Variants in DYNC1I1 observed in about 807,000 individuals in gnomAD.
DYNC1I1 encodes the protein dynein cytoplasmic 1 intermediate chain 1.
A neutral mutation model predicts 86.6 loss-of-function variants in DYNC1I1; 43 were observed. The ratio of observed to expected loss-of-function variants is 0.50; its 90% confidence interval spans 0.39 to 0.64. DYNC1I1 has a LOEUF of 0.64. DYNC1I1 is among the 30% of genes least tolerant of loss of function. The pLI, the probability that DYNC1I1 is intolerant of heterozygous loss-of-function variation, is 0.00. For synonymous variants in DYNC1I1, 262 were observed against 283.7 expected (o/e 0.92, Z 0.77); for missense variants, 604 against 788.8 (o/e 0.77, Z 2.81).
intron 10 of DYNC1I1, among the ~76,000 whole-genome samples, chr7:96,001,348 A>G (rs117984801): frequency 4.5e-4 from 69 of 152,236 alleles, no homozygotes; most frequent in Non-Finnish European, 7.6e-4. Flanking sequence ...TCTCAGGAAG[A>G]TGGGTGTTCT....
At chr7:95,877,872 G>C (rs1362820733) in intron 6 of DYNC1I1, among the ~76,000 whole-genome samples, 1 of 152,228 alleles carries the variant, frequency 6.6e-6, no homozygotes, top group African/African-American at 2.4e-5. Flanking sequence ...GCAGCAATTA[G>C]TGAAACTGAG....
intron 5 of DYNC1I1, among the ~76,000 whole-genome samples, chr7:95,862,474 C>T (rs1172892203): frequency 2.0e-5 from 3 of 152,124 alleles, no homozygotes; most frequent in Non-Finnish European, 4.4e-5. Context: ...CATTAGCCGT[C>T]AGAGAAACAC....
chr7:96,017,263 A>G (rs1217997156), intron 10 of DYNC1I1, among the ~76,000 whole-genome samples: 2 of 152,204 alleles, frequency 1.3e-5, no homozygotes, highest in African/African-American at 4.8e-5. Context: ...TTTTTAACAT[A>G]CAAAGGCAAC....
chr7:96,095,740 A>G (rs1231869191), intron 16 of DYNC1I1, among the ~76,000 whole-genome samples: 3 of 152,112 alleles, frequency 2.0e-5, no homozygotes, highest in African/African-American at 7.2e-5. Context: ...ATGTGATACC[A>G]ACCCTTAGTT....
intron 15 of DYNC1I1, 145 bp from the exon 16 acceptor site, chr7:96,080,218 T>C: frequency 3.0e-5 from 31 of 1,024,412 alleles, no homozygotes; most frequent in Non-Finnish European, 3.6e-5. Flanking sequence ...CAATGAGCCC[T>C]TTTTCCCCCC....
At chr7:95,893,523 A>C (rs1323239838) in intron 6 of DYNC1I1, among the ~76,000 whole-genome samples, 1 of 152,232 alleles carries the variant, frequency 6.6e-6, no homozygotes, top group Non-Finnish European at 1.5e-5. Context: ...AACTTCCTTA[A>C]AATTTGATAT....
chr7:96,089,389 A>G (rs924959629), intron 16 of DYNC1I1, among the ~76,000 whole-genome samples: 1 of 152,142 alleles, frequency 6.6e-6, no homozygotes, highest in Non-Finnish European at 1.5e-5. Flanking sequence ...TGAATGATTC[A>G]CATGTGAAAA....
intron 14 of DYNC1I1, among the ~76,000 whole-genome samples, chr7:96,065,101 C>G (rs966040330): frequency 2.0e-5 from 3 of 152,184 alleles, no homozygotes; most frequent in African/African-American, 7.2e-5. Flanking sequence ...GGACCATTGC[C>G]ACATTTGCCA....
chr7:95,863,515 C>CA (rs11432530), intron 5 of DYNC1I1, among the ~76,000 whole-genome samples: 84,637 of 151,904 alleles, frequency 0.56, 24,768 homozygotes, highest in Non-Finnish European at 0.66. Context: ...TTTATTTTAA[C>CA]AAAAAAATTA....
intron 6 of DYNC1I1, among the ~76,000 whole-genome samples, chr7:95,907,775 T>A (rs1364115660): frequency 6.5e-5 from 2 of 30,844 alleles, no homozygotes; most frequent in Non-Finnish European, 1.0e-4. Context: ...CAATCAACTG[T>A]TTTTTTTTTT....
chr7:95,824,338 A>G (rs1795158850), intron 4 of DYNC1I1, among the ~76,000 whole-genome samples: 1 of 151,994 alleles, frequency 6.6e-6, no homozygotes, highest in Admixed American at 6.6e-5. Context: ...AGGTTCCTTG[A>G]ACATTTTTTC....
chr7:95,996,533 G>A (rs1793872479), intron 10 of DYNC1I1, among the ~76,000 whole-genome samples: 1 of 152,164 alleles, frequency 6.6e-6, no homozygotes, highest in African/African-American at 2.4e-5. Flanking sequence ...TAGCTGGCAT[G>A]GGGCAAGACT....
intron 6 of DYNC1I1, among the ~76,000 whole-genome samples, chr7:95,947,924 C>T (rs899031054): frequency 1.0e-4 from 15 of 150,462 alleles, no homozygotes; most frequent in South Asian, 4.2e-4. Flanking sequence ...TGTAAATTCT[C>T]TCCATCTTTT....
At chr7:95,953,829 C>T (rs1196337643) in intron 6 of DYNC1I1, among the ~76,000 whole-genome samples, 1 of 152,234 alleles carries the variant, frequency 6.6e-6, no homozygotes, top group African/African-American at 2.4e-5. Context: ...TCCAACTCTT[C>T]ATTCCTGCTG....
intron 5 of DYNC1I1, among the ~76,000 whole-genome samples, chr7:95,847,691 C>T (rs1562920318): frequency 6.6e-6 from 1 of 152,146 alleles, no homozygotes; most frequent in African/African-American, 2.4e-5. Context: ...TCTTCTCTTG[C>T]TCTCAAATCA....
chr7:95,995,249 A>AAAATAAATAAAT (rs71127433), intron 9 of DYNC1I1, among the ~76,000 whole-genome samples: 8,429 of 143,026 alleles, frequency 0.059, 310 homozygotes, highest in African/African-American at 0.1. Context: ...TCCATCTCAA[A>AAAATAAATAAAT]AAATAAATAA....
rs58435060 is a variant in DYNC1I1 at position 95,954,915 on chromosome 7, C to CAAAAAAAAAAAAAA, written c.491-22587_491-22574dup. Among the ~76,000 whole-genome samples, 233 of 81,838 alleles carry CAAAAAAAAAAAAAA rather than the reference C, an allele frequency of 2.8e-3. 4 individuals carry two copies. The highest frequency in any genetic ancestry group is 3.7e-3 in the Non-Finnish European group (166 of 45,088). 53.7% of individuals were successfully genotyped at this position (81,838 alleles called of 152,430 possible). A position where few individuals can be genotyped will look rare whatever the true frequency, so the allele number is the denominator to read the frequency against. On this transcript the variant is annotated intron_variant, in intron 6 of 16. Transcript: ENST00000447467. ...TGGGCAACAGAGCAAGACTCTGTCT[C>CAAAAAAAAAAAAAA]AAAAAAAAAAAAAAAAAAAAAAAGA... is the stretch of plus-strand genomic sequence containing the variant.
intron 6 of DYNC1I1, among the ~76,000 whole-genome samples, chr7:95,943,176 C>G (rs2116453469): frequency 6.6e-6 from 1 of 151,402 alleles, no homozygotes; most frequent in Admixed American, 6.6e-5. Flanking sequence ...TCAGCAAAGT[C>G]TCAGGATACA....
intron 6 of DYNC1I1, among the ~76,000 whole-genome samples, chr7:95,877,338 A>T (rs1790337389): frequency 6.6e-6 from 1 of 152,176 alleles, no homozygotes; most frequent in South Asian, 2.1e-4. Flanking sequence ...TCCATGGCTC[A>T]TGTGTAAAGC....
Sources: gnomAD v4.1 joint callset for allele counts (sites outside exome capture counted in the v4.1 genomes callset) on GRCh38, gnomAD v4.1.1 for gene constraint, MANE v1.5 for transcripts, NCBI Gene and HGNC (gene_info 2026-07-23, HGNC 2026-07-21) for gene names.